COL25A1: variants seen among roughly 807,000 people sequenced by gnomAD.
COL25A1 encodes collagen alpha-1(XXV) chain.
COL25A1 carries 103 observed loss-of-function variants against 128.4 expected under a neutral mutation model. The observed-to-expected ratio is 0.80, with a 90% CI of 0.68 to 0.94. The LOEUF (loss-of-function observed/expected upper bound fraction) is 0.94, where lower values mean the gene tolerates loss of function less well. COL25A1 is among the 40% of genes least tolerant of loss of function. The probability of loss-of-function intolerance (pLI) is 0.00; values close to 1 mark genes in which losing one functional copy is unlikely to be tolerated. For synonymous variants in COL25A1, 279 were observed against 277.2 expected, an observed-to-expected ratio of 1.01 and a Z score of -0.06; for missense variants, 745 against 840.0, an observed-to-expected ratio of 0.89 and a Z score of 1.40.
chr4:108,817,092 A>C (rs957620136), intron 37 of COL25A1, among the ~76,000 whole-genome samples: 4 of 152,180 alleles, frequency 2.6e-5, no homozygotes, highest in African/African-American at 9.7e-5. Flanking sequence ...AATTAAGAAT[A>C]GTTTTAAACA....
intron 8 of COL25A1, among the ~76,000 whole-genome samples, chr4:108,954,854 T>C (rs1235263595): frequency 6.6e-6 from 1 of 151,836 alleles, no homozygotes; most frequent in African/African-American, 2.4e-5. Flanking sequence ...AAACCATAAC[T>C]AATCAAGACC....
intron 32 of COL25A1, among the ~76,000 whole-genome samples, chr4:108,830,420 A>G (rs1249714074): frequency 6.6e-6 from 1 of 152,200 alleles, no homozygotes. Context: ...ACACTGAGGC[A>G]TTATCCTAGA....
chr4:109,214,527 C>T (rs1015084626), intron 3 of COL25A1, among the ~76,000 whole-genome samples: 2 of 151,988 alleles, frequency 1.3e-5, no homozygotes, highest in African/African-American at 4.8e-5. Context: ...CACTAATAGT[C>T]GCTTTAAAAT....
chr4:108,930,309 G>C (rs1311723466), intron 11 of COL25A1, among the ~76,000 whole-genome samples: 2 of 152,130 alleles, frequency 1.3e-5, no homozygotes, highest in Non-Finnish European at 2.9e-5. Context: ...GTGGGTCTAA[G>C]AGAACATGCT....
chr4:109,176,041 C>T lies in COL25A1; in HGVS notation c.367+124542G>A, dbSNP rs146013938. Among the ~76,000 whole-genome samples, 35 of 152,262 alleles carry T rather than the reference C, an allele frequency of 2.3e-4. No individual in the cohort carries two copies. The East Asian group carries it at 6.6e-3, about 29-fold the overall frequency. On this transcript the variant is annotated intron_variant, in intron 3 of 37. Transcript: ENST00000399132. ...ATTGCCATACCGTCATTCATCTATT[C>T]AGCACACATTTATCAGACACCTACC... is the stretch of plus-strand genomic sequence containing the variant.
rs1265802812 is a variant in COL25A1, at chr4:109,064,168, A to G, written c.368-13989T>C. On this transcript the variant is annotated intron_variant, in intron 3 of 37. Coordinates refer to ENST00000399132, the MANE Select transcript of COL25A1 (RefSeq NM_198721.4). ...ACATATATTGGATAGATTAAACAAA[A>G]GATCCCTCTGCCATTAACGTGATAG... Among the ~76,000 whole-genome samples the G allele has an allele frequency of 3.3e-5, 5 of 152,224 alleles. No homozygotes were observed. The East Asian group carries it at 9.6e-4, about 29-fold the overall frequency.
rs146141571 is a variant in COL25A1, at chr4:108,882,808, C to T, written c.1020+1370G>A. Reference sequence around the variant, plus strand: ...TTTTATGATACTAATCTAGAAACATCAAACAAAAAGATAGAACTAAAATTG... The same window carrying T: ...TTTTATGATACTAATCTAGAAACATTAAACAAAAAGATAGAACTAAAATTG... On this transcript the variant is annotated intron_variant, in intron 19 of 37. Coordinates refer to ENST00000399132, the MANE Select transcript of COL25A1 (RefSeq NM_198721.4). Among the ~76,000 whole-genome samples the T allele has an allele frequency of 2.3e-3, 346 of 152,118 alleles. 2 individuals are homozygous for T. The highest frequency in any genetic ancestry group is 8.0e-3 in the African/African-American group (332 of 41,518).
intron 3 of COL25A1, among the ~76,000 whole-genome samples, chr4:109,297,938 T>G (rs1226030270): frequency 7.2e-6 from 1 of 138,616 alleles, no homozygotes; most frequent in East Asian, 2.4e-4. Flanking sequence ...GTTTGACCAA[T>G]GTACACAGCT....
intron 27 of COL25A1, among the ~76,000 whole-genome samples, chr4:108,847,603 G>A (rs920393081): frequency 6.6e-6 from 1 of 151,836 alleles, no homozygotes; most frequent in Non-Finnish European, 1.5e-5. Flanking sequence ...AAAAAAAAAA[G>A]CTAGCTACTA....
At chr4:108,944,187 C>G (rs960604400) in intron 8 of COL25A1, among the ~76,000 whole-genome samples, 1 of 152,150 alleles carries the variant, frequency 6.6e-6, no homozygotes, top group Non-Finnish European at 1.5e-5. Context: ...TCTGATAAGG[C>G]TATTAAGTGG....
chr4:109,133,325 C>A (rs1327491190), intron 3 of COL25A1, among the ~76,000 whole-genome samples: 2 of 151,938 alleles, frequency 1.3e-5, no homozygotes, highest in South Asian at 4.2e-4. Flanking sequence ...AAACACTAGA[C>A]CTTATTGTAA....
chr4:109,177,445 G>T (rs1449546352), intron 3 of COL25A1, among the ~76,000 whole-genome samples: 3 of 152,160 alleles, frequency 2.0e-5, no homozygotes, highest in Non-Finnish European at 4.4e-5. Flanking sequence ...TTACTCCAGG[G>T]ACAAAAGCGA....
rs116206839 is a variant in COL25A1, at chr4:109,011,989, A to C, written c.421-1614T>G. ...AAAATCAGCACTAAACGTAGAGAAGATTTCTATGGAGACACTATGAAGGTT... is the reference window on the plus strand; with the variant it reads ...AAAATCAGCACTAAACGTAGAGAAGCTTTCTATGGAGACACTATGAAGGTT... On this transcript the variant is annotated intron_variant, in intron 5 of 37. Transcript: ENST00000399132. Among the ~76,000 whole-genome samples the C allele has an allele frequency of 5.3e-5, 8 of 152,160 alleles. No individual in the cohort carries two copies. In the East Asian group the frequency reaches 1.5e-3, roughly 29 times the overall value.
rs1735409096 is a variant in COL25A1, at chr4:108,848,781, A to G, written c.1412T>C (p.Ile471Thr). 6.2e-7 allele frequency: 1 copy of G among 1,605,606 alleles called. No homozygotes were observed. The highest frequency in any genetic ancestry group is 1.1e-5 in the South Asian group (1 of 90,852). Residue 471 changes from isoleucine to threonine, a missense_variant, in exon 27 of 38, where the codon ATC (isoleucine) becomes ACC (threonine). Ile to Thr is a moderately conservative substitution (Grantham distance 89). Coordinates refer to ENST00000399132, the MANE Select transcript of COL25A1 (RefSeq NM_198721.4). Reference protein sequence around the residue: ...GPKGEQGSPGIPGMDGEQGLK... With the variant: ...GPKGEQGSPGTPGMDGEQGLK... Reference sequence around the variant, plus strand: ...TACCTGCTCTCCATCCATTCCTGGGATTCCTGGAGATCCCTGCTCTCCCTA... The same window carrying G: ...TACCTGCTCTCCATCCATTCCTGGGGTTCCTGGAGATCCCTGCTCTCCCTA...
intron 6 of COL25A1, among the ~76,000 whole-genome samples, chr4:108,982,476 G>C (rs780283202): frequency 1.2e-4 from 18 of 152,102 alleles, no homozygotes; most frequent in Non-Finnish European, 2.2e-4. Flanking sequence ...ACCAGTTCTT[G>C]CTGAATTGAA....
At chr4:109,030,204 A>G (rs1341040349) in intron 5 of COL25A1, among the ~76,000 whole-genome samples, 1 of 152,162 alleles carries the variant, frequency 6.6e-6, no homozygotes, top group Non-Finnish European at 1.5e-5. Flanking sequence ...GGAAGTCAAC[A>G]AGATAGGCTA....
At chr4:109,162,807 T>A (rs1483573973) in intron 3 of COL25A1, among the ~76,000 whole-genome samples, 1 of 152,168 alleles carries the variant, frequency 6.6e-6, no homozygotes, top group Non-Finnish European at 1.5e-5. Context: ...GGAACTGGCA[T>A]CCCAGCAGCT....
At chr4:108,947,800 C>G (rs1206470708) in intron 8 of COL25A1, among the ~76,000 whole-genome samples, 2 of 152,130 alleles carry the variant, frequency 1.3e-5, no homozygotes, top group Admixed American at 6.5e-5. Flanking sequence ...CTGACAATGG[C>G]TGATCATTGA....
intron 32 of COL25A1, among the ~76,000 whole-genome samples, chr4:108,830,315 A>G (rs1396302162): frequency 6.6e-6 from 1 of 152,226 alleles, no homozygotes. Flanking sequence ...GCTGTCAATC[A>G]TACACTTGAA....
Sources: gnomAD v4.1 joint callset for allele counts (sites outside exome capture counted in the v4.1 genomes callset) on GRCh38, gnomAD v4.1.1 for gene constraint, MANE v1.5 for transcripts, NCBI Gene and HGNC (gene_info 2026-07-23, HGNC 2026-07-21) for gene names.